KIF26B: variants seen among roughly 807,000 people sequenced by gnomAD.
KIF26B encodes the protein kinesin-like protein KIF26B.
KIF26B carries 63 observed loss-of-function variants against 151.2 expected under a neutral mutation model. The observed-to-expected ratio is 0.42, with a 90% confidence interval of 0.34 to 0.51. The LOEUF (loss-of-function observed/expected upper bound fraction) is 0.51, where lower values mean the gene tolerates loss of function less well. KIF26B is among the 20% of genes least tolerant of loss of function. KIF26B has a pLI of 0.07. For missense variants in KIF26B, 2,813 were observed against 2,913.6 expected, an observed-to-expected ratio of 0.97 and a Z score of 0.79; for synonymous variants, 1,357 against 1,262.1, an observed-to-expected ratio of 1.08 and a Z score of -1.59.
At chr1:245,498,809 GA>G (rs953682363) in intron 4 of KIF26B, among the ~76,000 whole-genome samples, 11 of 152,226 alleles carry the variant, frequency 7.2e-5, no homozygotes, top group Admixed American at 1.3e-4. Context: ...CTGGGGAAAA[GA>G]GGAGGCAACG....
chr1:245,632,673 CAAGG>C (rs2043793546), intron 9 of KIF26B, among the ~76,000 whole-genome samples: 2 of 152,126 alleles, frequency 1.3e-5, no homozygotes, highest in Non-Finnish European at 2.9e-5. Context: ...TTTGGAAGGC[CAAGG>C]CGGGCCAATC....
rs3766647 is a variant in KIF26B, at chr1:245,689,151, C to T, written c.5824+344C>T. Among the ~76,000 whole-genome samples, 33 of 152,316 alleles carry T rather than the reference C, an allele frequency of 2.2e-4. No homozygotes were observed. In the East Asian group the frequency reaches 3.3e-3, roughly 15 times the overall value. Reference sequence around the variant, plus strand: ...TCAGCAGGGTGGAAAGGCGAGGGCCCGGATGCAGGTGGCAGCATGACCCGC... The same window carrying T: ...TCAGCAGGGTGGAAAGGCGAGGGCCTGGATGCAGGTGGCAGCATGACCCGC... On this transcript the variant is annotated intron_variant, in intron 12 of 14. Coordinates refer to ENST00000407071, the MANE Select transcript of KIF26B (RefSeq NM_018012.4).
intron 5 of KIF26B, among the ~76,000 whole-genome samples, chr1:245,585,915 A>G (rs991793620): frequency 6.6e-6 from 1 of 152,200 alleles, no homozygotes; most frequent in African/African-American, 2.4e-5. Context: ...CGTAGTCGAC[A>G]CATTTAAAAA....
intron 4 of KIF26B, among the ~76,000 whole-genome samples, chr1:245,470,725 C>T (rs929939421): frequency 2.6e-5 from 4 of 152,116 alleles, no homozygotes; most frequent in Admixed American, 1.3e-4. Context: ...CCACCACGCC[C>T]GGCCACCACT....
chr1:245,536,360 T>C (rs1661487732), intron 4 of KIF26B, among the ~76,000 whole-genome samples: 1 of 152,220 alleles, frequency 6.6e-6, no homozygotes, highest in East Asian at 1.9e-4. Flanking sequence ...CCAGCTCCTG[T>C]AGTCTTCGTT....
At chr1:245,511,410 T>G (rs769162783) in intron 4 of KIF26B, among the ~76,000 whole-genome samples, 3 of 152,196 alleles carry the variant, frequency 2.0e-5, no homozygotes, top group Non-Finnish European at 2.9e-5. Context: ...TGAAGAAGGT[T>G]TCTGAACTGA....
rs184265903 is a variant in KIF26B at position 245,239,913 on chromosome 1, C to T, written c.465+83230C>T. On this transcript the variant is annotated intron_variant, in intron 2 of 14. Transcript: ENST00000407071. This position sits in a 1 kb window ranked among gnomAD's most constrained non-coding sequence, Gnocchi z 4.3. ...CTTTCCGGCCGGGTGTGGTCACTCA[C>T]GCCTGTAATCCCAGCCCTTTGGGAG... Among the ~76,000 whole-genome samples, 289 of 152,166 alleles carry T rather than the reference C, an allele frequency of 1.9e-3. No individual in the cohort carries two copies. The highest frequency in any genetic ancestry group is 6.5e-3 in the African/African-American group (271 of 41,530).
intron 4 of KIF26B, among the ~76,000 whole-genome samples, chr1:245,484,850 C>A (rs1660246319): frequency 1.3e-5 from 2 of 151,642 alleles, no homozygotes; most frequent in South Asian, 4.1e-4. Context: ...GTGAGAGGGC[C>A]TGTGACTGGG....
chr1:245,446,437 A>G (rs1659252512), intron 4 of KIF26B, among the ~76,000 whole-genome samples: 1 of 152,178 alleles, frequency 6.6e-6, no homozygotes, highest in Admixed American at 6.5e-5. Context: ...AAATTAAGCC[A>G]AGTATAAGAA....
chr1:245,390,518 G>C (rs1166362082), intron 3 of KIF26B, among the ~76,000 whole-genome samples: 1 of 152,090 alleles, frequency 6.6e-6, no homozygotes, highest in Admixed American at 6.6e-5. Context: ...GAGTTTATTT[G>C]ATGAGGCAGT....
chr1:245,637,842 T>G (rs1401739213), intron 9 of KIF26B, among the ~76,000 whole-genome samples: 1 of 152,076 alleles, frequency 6.6e-6, no homozygotes, highest in Non-Finnish European at 1.5e-5. Flanking sequence ...GGTTTTCTAT[T>G]GTATTCCATT....
At chr1:245,405,359 A>C (rs765563018) in intron 3 of KIF26B, among the ~76,000 whole-genome samples, 1 of 152,238 alleles carries the variant, frequency 6.6e-6, no homozygotes, top group Non-Finnish European at 1.5e-5. Flanking sequence ...TTGCAATTAG[A>C]GGCTTTAGAG....
chr1:245,529,183 C>T (rs1445810132), intron 4 of KIF26B, among the ~76,000 whole-genome samples: 1 of 152,072 alleles, frequency 6.6e-6, no homozygotes, highest in Admixed American at 6.6e-5. Flanking sequence ...ATCCTGCTGT[C>T]GTCTGGCCAG....
chr1:245,371,000 G>C (rs918851176), intron 3 of KIF26B, among the ~76,000 whole-genome samples: 3 of 152,098 alleles, frequency 2.0e-5, no homozygotes, highest in African/African-American at 7.2e-5. Context: ...CGGTGCTTTG[G>C]GGGCATGCAG....
intron 3 of KIF26B, among the ~76,000 whole-genome samples, chr1:245,376,026 A>G (rs1148918): frequency 0.25 from 38,289 of 152,108 alleles, 6,157 homozygotes; most frequent in Admixed American, 0.36. Context: ...GCTAGTCATT[A>G]CAATTATGTA....
chr1:245,565,940 G>A (rs1195264141), intron 5 of KIF26B, among the ~76,000 whole-genome samples: 1 of 152,228 alleles, frequency 6.6e-6, no homozygotes, highest in East Asian at 1.9e-4. Context: ...AAGGGAGCAG[G>A]CATGTCACAT....
chr1:245,157,469 A>C lies in KIF26B; in HGVS notation c.465+786A>C, dbSNP rs1317322197. On this transcript the variant is annotated intron_variant, in intron 2 of 14. Transcript: ENST00000407071. ...GTGGATTGCTGTAGAGGTTTTTGACACTGTTGGTTCAACGTCAATTTCTGG... is the reference window on the plus strand; with the variant it reads ...GTGGATTGCTGTAGAGGTTTTTGACCCTGTTGGTTCAACGTCAATTTCTGG... Among the ~76,000 whole-genome samples, 4 of 152,240 alleles carry C rather than the reference A, an allele frequency of 2.6e-5. No individual in the cohort carries two copies. The East Asian group carries it at 7.7e-4, about 29-fold the overall frequency.
chr1:245,318,484 C>A lies in KIF26B; in HGVS notation c.466-48350C>A, dbSNP rs1229444103. Among the ~76,000 whole-genome samples the A allele has an allele frequency of 2.6e-5, 4 of 152,186 alleles. No individual in the cohort carries two copies. The highest frequency in any genetic ancestry group is 4.4e-5 in the Non-Finnish European group (3 of 68,040). On this transcript the variant is annotated intron_variant, in intron 2 of 14. Coordinates refer to ENST00000407071, the MANE Select transcript of KIF26B (RefSeq NM_018012.4). The surrounding 1 kb of genome is among the most constrained non-coding windows in gnomAD (Gnocchi z 4.0). ...AGGAATATACAAGTTGATAGGGCTA[C>A]TTGCCTTCTTGCTCATTAATATCTG... is the stretch of plus-strand genomic sequence containing the variant.
chr1:245,611,612 T>G (rs1165432949), intron 8 of KIF26B, among the ~76,000 whole-genome samples, 181 bp from the exon 9 acceptor site: 2 of 152,246 alleles, frequency 1.3e-5, no homozygotes, highest in Non-Finnish European at 2.9e-5. Flanking sequence ...ATGAATTAAT[T>G]AAGCTGAGAA....
Sources: gnomAD v4.1 joint callset for allele counts (sites outside exome capture counted in the v4.1 genomes callset) on GRCh38, gnomAD v4.1.1 for gene constraint, Gnocchi (gnomAD v3.1) non-coding constraint, MANE v1.5 for transcripts, NCBI Gene and HGNC (gene_info 2026-07-23, HGNC 2026-07-21) for gene names.